Variants in MIDEAS observed in about 807,000 individuals in gnomAD.
The protein encoded by MIDEAS is mitotic deacetylase-associated SANT domain protein.
MIDEAS carries 26 observed loss-of-function variants against 102.7 expected under a neutral mutation model. The observed-to-expected ratio is 0.25, with a 90% CI of 0.19 to 0.35. The LOEUF (loss-of-function observed/expected upper bound fraction) is 0.35. MIDEAS is among the 10% of genes least tolerant of loss of function. The pLI, the probability that MIDEAS is intolerant of heterozygous loss-of-function variation, is 1.00. For synonymous variants in MIDEAS, 585 were observed against 591.0 expected, an observed-to-expected ratio of 0.99 and a Z score of 0.15; for missense variants, 1,231 against 1,435.6, an observed-to-expected ratio of 0.86 and a Z score of 2.30.
chr14:73,750,069 C>T (rs1292872786), intron 1 of MIDEAS, among the ~76,000 whole-genome samples: 1 of 152,146 alleles, frequency 6.6e-6, no homozygotes, highest in African/African-American at 2.4e-5. Context: ...GGCCAATCTA[C>T]AAAATATCCA....
chr14:73,772,921 C>A (rs968693010), intron 1 of MIDEAS, among the ~76,000 whole-genome samples: 14 of 151,540 alleles, frequency 9.2e-5, no homozygotes, highest in Admixed American at 9.2e-4. Flanking sequence ...CTCACTGCAA[C>A]CTCCACCCCC....
In MIDEAS at chr14:73,759,910, C is replaced by G. The variant is rs1466842268; in HGVS notation, c.-395G>C. 1 of 151,920 alleles carries G rather than the reference C, an allele frequency of 6.6e-6. No homozygotes were observed. The highest frequency in any genetic ancestry group is 1.5e-5 in the Non-Finnish European group (1 of 67,916). 9.4% of individuals were successfully genotyped at this position (151,920 alleles called of 1,614,324 possible). Reference sequence around the variant, plus strand: ...GGCGCCGTCGCCTCCCCGCGGCGCTCGCGGGGCTTCCGCCAGCCCGCGCCT... The same window carrying G: ...GGCGCCGTCGCCTCCCCGCGGCGCTGGCGGGGCTTCCGCCAGCCCGCGCCT... On this transcript the variant is annotated 5_prime_UTR_variant, in exon 1 of 13. Coordinates refer to ENST00000423556, the MANE Select transcript of MIDEAS (RefSeq NM_001367710.1). The surrounding 1 kb of genome is among the most constrained non-coding windows in gnomAD (Gnocchi z 6.7).
intron 10 of MIDEAS, 139 bp downstream of exon 10, chr14:73,722,558 TC>T: frequency 1.1e-6 from 1 of 945,138 alleles, no homozygotes; most frequent in Admixed American, 2.4e-5. Context: ...GGTCCAGGGC[TC>T]CTTGCGGCTG....
chr14:73,735,862 T>C (rs2053193558), intron 3 of MIDEAS, among the ~76,000 whole-genome samples: 1 of 152,242 alleles, frequency 6.6e-6, no homozygotes, highest in Non-Finnish European at 1.5e-5. Context: ...TTTACTCATG[T>C]AAAGTAAGAA....
chr14:73,748,126 G>A (rs1050241336), intron 1 of MIDEAS, among the ~76,000 whole-genome samples: 2 of 152,158 alleles, frequency 1.3e-5, no homozygotes, highest in African/African-American at 2.4e-5. Context: ...AAGGAAGACA[G>A]TAATAGAAGA....
At chr14:73,778,776 A>G (rs1038095644) in intron 1 of MIDEAS, among the ~76,000 whole-genome samples, 1 of 152,056 alleles carries the variant, frequency 6.6e-6, no homozygotes, top group African/African-American at 2.4e-5. Context: ...CCCAAGCACA[A>G]GTTTTTCATC....
upstream of MIDEAS, among the ~76,000 whole-genome samples, chr14:73,762,352 G>A (rs547569612): frequency 3.9e-5 from 6 of 152,354 alleles, no homozygotes; most frequent in South Asian, 1.2e-3. Context: ...CATACATAGT[G>A]GAGGCAGGTG....
intron 1 of MIDEAS, among the ~76,000 whole-genome samples, chr14:73,750,479 T>C (rs538440334): frequency 3.3e-4 from 51 of 152,268 alleles, no homozygotes; most frequent in Non-Finnish European, 6.8e-4. Flanking sequence ...CCCTCCAGAC[T>C]GGGGGTATCT....
At chr14:73,735,929 G>T (rs1443412439) in intron 3 of MIDEAS, among the ~76,000 whole-genome samples, 1 of 152,178 alleles carries the variant, frequency 6.6e-6, no homozygotes, top group Non-Finnish European at 1.5e-5. Context: ...GGCCAAGGCG[G>T]GCAGGTCACT....
At chr14:73,778,099 A>G (rs2053707712) in intron 1 of MIDEAS, among the ~76,000 whole-genome samples, 1 of 151,954 alleles carries the variant, frequency 6.6e-6, no homozygotes, top group African/African-American at 2.4e-5. Context: ...TCACACCTGT[A>G]ATCCCAGCAC....
intron 1 of MIDEAS, among the ~76,000 whole-genome samples, chr14:73,765,617 C>A (rs150956832): frequency 6.6e-6 from 1 of 152,194 alleles, no homozygotes; most frequent in South Asian, 2.1e-4. Context: ...CTTTCCCACA[C>A]GATCTGGCTC....
chr14:73,733,061 C>T (rs188439425), intron 3 of MIDEAS, among the ~76,000 whole-genome samples: 136 of 151,654 alleles, frequency 9.0e-4, no homozygotes, highest in Admixed American at 8.2e-3. Flanking sequence ...CATTGCACTC[C>T]GGCCTGAGCC....
chr14:73,769,895 C>T (rs796342381), intron 1 of MIDEAS, among the ~76,000 whole-genome samples: 14 of 145,820 alleles, frequency 9.6e-5, no homozygotes, highest in African/African-American at 3.4e-4. Context: ...CCACCGTGCC[C>T]GGCTGGGTTT....
intron 1 of MIDEAS, among the ~76,000 whole-genome samples, chr14:73,775,643 C>T (rs1045121420): frequency 6.6e-6 from 1 of 152,098 alleles, no homozygotes. Context: ...AGTCTTGGAA[C>T]ACTGGCATAA....
chr14:73,727,493 A>T lies in MIDEAS; in HGVS notation c.2127T>A (p.Ser709=), dbSNP rs1566585383. 1 of 1,613,774 alleles carries T rather than the reference A, an allele frequency of 6.2e-7. No individual in the cohort carries two copies. The change falls in exon 5 of 13, where the codon TCT becomes TCA. Residue 709 remains serine (S), a synonymous_variant. Transcript: ENST00000423556. ...NSAEVTPPVL[S]VMGEATPVSI... is the part of the protein sequence containing the mutation. ...TCACTGGGGTGGCCTCCCCCATCAC[A>T]GAGAGGACAGGCGGGGTTACTTCAG...
At chr14:73,747,592 G>C (rs892428183) in intron 1 of MIDEAS, among the ~76,000 whole-genome samples, 1 of 151,872 alleles carries the variant, frequency 6.6e-6, no homozygotes, top group Non-Finnish European at 1.5e-5. Flanking sequence ...CTCTGTCACT[G>C]TGTCAATACC....
intron 1 of MIDEAS, among the ~76,000 whole-genome samples, chr14:73,741,457 T>C (rs2053280249): frequency 6.6e-6 from 1 of 151,956 alleles, no homozygotes; most frequent in South Asian, 2.1e-4. Context: ...GGAAAACAGC[T>C]CGGGCGGCTC....
At chr14:73,721,672 CA>C (rs2052996670) in intron 10 of MIDEAS, 163 bp from the exon 11 acceptor site, 1 of 625,534 alleles carries the variant, frequency 1.6e-6, no homozygotes, top group Admixed American at 2.9e-5. Context: ...GTCCCCATGG[CA>C]TAGTAGCCAT....
chr14:73,766,823 G>C (rs1027197363), intron 1 of MIDEAS, among the ~76,000 whole-genome samples: 1 of 143,212 alleles, frequency 7.0e-6, no homozygotes, highest in African/African-American at 2.6e-5. Flanking sequence ...AAAGTGCTGG[G>C]TTTACAGGCG....
Sources: allele counts gnomAD v4.1 joint callset (sites outside exome capture counted in the v4.1 genomes callset), GRCh38; gene constraint gnomAD v4.1.1; non-coding constraint Gnocchi (gnomAD v3.1); transcripts MANE v1.5; gene names NCBI Gene and HGNC (gene_info 2026-07-23, HGNC 2026-07-21).